The following CCDC7 variants were observed in gnomAD, a reference collection of about 807,000 sequenced individuals.
CCDC7 encodes the protein coiled-coil domain-containing protein 7.
A neutral mutation model predicts 196.9 loss-of-function variants in CCDC7; 183 were observed. The ratio of observed to expected loss-of-function variants is 0.93; its 90% CI spans 0.82 to 1.05. The LOEUF is 1.05. Among genes scored for constraint, CCDC7 ranks in the 50% least tolerant of loss-of-function variants. The pLI, the probability that CCDC7 is intolerant of heterozygous loss-of-function variation, is 0.00. For synonymous variants in CCDC7, 525 were observed against 484.6 expected, an observed-to-expected ratio of 1.08 and a Z score of -1.10; for missense variants, 1,540 against 1,482.2, an observed-to-expected ratio of 1.04 and a Z score of -0.64.
chr10:32,444,344 T>C (rs1286183080), upstream of CCDC7, among the ~76,000 whole-genome samples: 1 of 152,248 alleles, frequency 6.6e-6, no homozygotes, highest in African/African-American at 2.4e-5. Flanking sequence ...ATTACATGCT[T>C]AAATTTATTA....
At chr10:32,490,079 T>C (rs2041916074) in intron 8 of CCDC7, among the ~76,000 whole-genome samples, 1 of 152,184 alleles carries the variant, frequency 6.6e-6, no homozygotes, top group South Asian at 2.1e-4. Context: ...GCATGGCTCA[T>C]AGTGATAGTT....
intron 18 of CCDC7, among the ~76,000 whole-genome samples, chr10:32,613,378 AT>A (rs199715366): frequency 6.6e-6 from 1 of 151,754 alleles, no homozygotes; most frequent in Admixed American, 6.6e-5. Flanking sequence ...GGATTCATTG[AT>A]TTTTTTGAAG....
chr10:32,875,079 T>C (rs1557149), intron 41 of CCDC7, among the ~76,000 whole-genome samples: 139,158 of 152,028 alleles, frequency 0.92, 64,894 homozygotes, highest in East Asian at 1. Context: ...TTTTTGTATG[T>C]TTCATCAAAG....
intron 18 of CCDC7, among the ~76,000 whole-genome samples, chr10:32,620,975 G>A (rs2063348533): frequency 6.6e-6 from 1 of 152,084 alleles, no homozygotes; most frequent in Non-Finnish European, 1.5e-5. Flanking sequence ...TGGAAGTTTT[G>A]ATAAATTACT....
intron 4 of CCDC7, 152 bp from the exon 6 acceptor site, chr10:32,462,865 A>G (rs1354125913): frequency 1.8e-5 from 24 of 1,320,934 alleles, no homozygotes; most frequent in Non-Finnish European, 2.4e-5. Flanking sequence ...CATTAGCCCC[A>G]TTCTGAATCC....
chr10:32,708,925 C>G (rs978879347), intron 24 of CCDC7, among the ~76,000 whole-genome samples: 2 of 152,114 alleles, frequency 1.3e-5, no homozygotes, highest in Admixed American at 1.3e-4. Flanking sequence ...ATTCCTCAAG[C>G]ATCTAGAACT....
rs573664071 is a variant in CCDC7, at chr10:32,740,644, A to G, written c.2905+11187A>G. On this transcript the variant is annotated intron_variant, in intron 28 of 41. Transcript: ENST00000639629. ...ATACAGACTCATGAACCAAAGAACA[A>G]ACTTCTCCTAATTTTAATTGAAAAG... 7.2e-5 allele frequency among the ~76,000 whole-genome samples: 11 copies of G among 152,300 alleles called. 1 individual carries two copies. In the South Asian group the frequency reaches 2.1e-3, roughly 29 times the overall value.
chr10:32,864,961 C>A (rs957558499), intron 41 of CCDC7, among the ~76,000 whole-genome samples: 1 of 151,852 alleles, frequency 6.6e-6, no homozygotes, highest in Non-Finnish European at 1.5e-5. Flanking sequence ...AAATCATGCA[C>A]AGAAATCAAG....
upstream of CCDC7, chr10:32,451,588 A>AT: frequency 6.6e-7 from 1 of 1,519,356 alleles, no homozygotes; most frequent in Non-Finnish European, 8.8e-7. Flanking sequence ...ATTTTTTTTC[A>AT]CAGGGAGGAA....
chr10:32,525,938 T>G (rs2048608366), intron 11 of CCDC7, among the ~76,000 whole-genome samples: 1 of 152,158 alleles, frequency 6.6e-6, no homozygotes, highest in South Asian at 2.1e-4. Flanking sequence ...TCACCACCAT[T>G]GAGACTGCAC....
At chr10:32,760,434 T>C (rs1231613967) in intron 28 of CCDC7, among the ~76,000 whole-genome samples, 19 of 151,994 alleles carry the variant, frequency 1.3e-4, no homozygotes, top group Non-Finnish European at 2.6e-4. Flanking sequence ...GATGAGTTCA[T>C]GTCCTTTGTA....
chr10:32,630,171 TG>T (rs1291982769), intron 18 of CCDC7, among the ~76,000 whole-genome samples: 1 of 152,108 alleles, frequency 6.6e-6, no homozygotes, highest in Non-Finnish European at 1.5e-5. Flanking sequence ...ACTGCCCCTT[TG>T]TTTTTTTTGT....
chr10:32,647,778 G>A (rs1286984298), intron 20 of CCDC7, among the ~76,000 whole-genome samples: 3 of 152,154 alleles, frequency 2.0e-5, no homozygotes, highest in Non-Finnish European at 4.4e-5. Flanking sequence ...TCTATAGATT[G>A]TCTGTTTGCT....
Position 32,518,492 on chromosome 10 carries a change from T to A in CCDC7, c.980T>A (p.Leu327Ter), listed in dbSNP as rs1174762608. ...GTGCTGGAAAATGAACTACAAAAGT[T>A]GAAGGACAAAGAGGTTGGAAAAATT... The change falls in exon 11 of 42, where the codon TTG becomes TAG. Residue 327 changes from leucine (L) to a stop codon, truncating the protein, a stop_gained. Transcript: ENST00000639629. LOFTEE classifies it high-confidence loss of function. The A allele has an allele frequency of 1.2e-6, 2 of 1,607,332 alleles. No individual in the cohort carries two copies. The highest frequency in any genetic ancestry group is 2.7e-5 in the African/African-American group (2 of 74,606).
intron 28 of CCDC7, among the ~76,000 whole-genome samples, chr10:32,736,496 C>A (rs538520376): frequency 1.3e-5 from 2 of 151,994 alleles, no homozygotes; most frequent in African/African-American, 4.8e-5. Context: ...CCCACTAACT[C>A]GTCATCTAGC....
At chr10:32,772,026 C>T (rs1367676846) in intron 28 of CCDC7, among the ~76,000 whole-genome samples, 12 of 152,110 alleles carry the variant, frequency 7.9e-5, no homozygotes, top group Admixed American at 7.9e-4. Flanking sequence ...ATGGGCAGGG[C>T]CATGTAGCTT....
intron 31 of CCDC7, among the ~76,000 whole-genome samples, chr10:32,823,148 C>G (rs565611528): frequency 1.1e-3 from 151 of 143,526 alleles, no homozygotes; most frequent in African/African-American, 3.7e-3. Flanking sequence ...CAATATGATG[C>G]TTTTTTTTTT....
intron 18 of CCDC7, among the ~76,000 whole-genome samples, chr10:32,585,446 T>C (rs1395866527): frequency 6.6e-6 from 1 of 152,186 alleles, no homozygotes; most frequent in African/African-American, 2.4e-5. Flanking sequence ...TACATAGGTA[T>C]ACATGTGCCA....
intron 28 of CCDC7, among the ~76,000 whole-genome samples, chr10:32,767,091 C>T (rs573400437): frequency 6.6e-6 from 1 of 152,170 alleles, no homozygotes; most frequent in African/African-American, 2.4e-5. Flanking sequence ...AGTAACAACT[C>T]ACTCATTACT....
Sources: gnomAD v4.1 joint callset for allele counts (sites outside exome capture counted in the v4.1 genomes callset) on GRCh38, gnomAD v4.1.1 for gene constraint, MANE v1.5 for transcripts, NCBI Gene and HGNC (gene_info 2026-07-23, HGNC 2026-07-21) for gene names.